CEP72: variants seen among roughly 807,000 people sequenced by gnomAD.
CEP72 encodes centrosomal protein 72.
In CEP72, 78 loss-of-function variants were observed where a neutral mutation model predicts 65.7. The ratio of observed to expected loss-of-function variants is 1.19; its 90% CI spans 0.99 to 1.43. The LOEUF (loss-of-function observed/expected upper bound fraction) is 1.43, where lower values mean the gene tolerates loss of function less well. Ranked by LOEUF, CEP72 falls within the 40% of genes most tolerant of loss-of-function variation. CEP72 has a pLI of 0.00. For missense variants in CEP72, 914 were observed against 832.9 expected (o/e 1.10, Z -1.20); for synonymous variants, 358 against 351.7 (o/e 1.02, Z -0.20).
chr5:673,191 G>T, the CEP72 span, among the ~76,000 whole-genome samples: 1 of 152,182 alleles, frequency 6.6e-6, no homozygotes, highest in African/African-American at 2.4e-5. Context: ...ACCACCCCTT[G>T]CTTTCCCCGG....
downstream of CEP72, among the ~76,000 whole-genome samples, chr5:671,418 G>A (rs1580082130): frequency 6.6e-6 from 1 of 152,190 alleles, no homozygotes; most frequent in African/African-American, 2.4e-5. Flanking sequence ...CCCCAGTCTC[G>A]GCCTGGGCAG....
intron 4 of CEP72, among the ~76,000 whole-genome samples, chr5:628,490 CT>C (rs1736918722): frequency 6.6e-6 from 1 of 150,598 alleles, no homozygotes; most frequent in African/African-American, 2.5e-5. Context: ...GTTGCCGTCC[CT>C]GGGGAGTGTT....
downstream of CEP72, among the ~76,000 whole-genome samples, chr5:671,908 G>A (rs907945413): frequency 6.6e-6 from 1 of 152,188 alleles, no homozygotes; most frequent in African/African-American, 2.4e-5. Context: ...TGGGTACCAC[G>A]GGGGAGGGGG....
At chr5:642,883 C>T (rs1738152038) in intron 9 of CEP72, 17 of 985,490 alleles carry the variant, frequency 1.7e-5, no homozygotes, top group Non-Finnish European at 2.0e-5. Flanking sequence ...GCTCATCCCT[C>T]GGTCACATGA....
At position 642,227 on chromosome 5, in the gene CEP72, C is replaced by T. The variant is rs1428386433; in HGVS notation, c.1539+1623C>T. 7.8e-6 allele frequency: 6 copies of T among 772,470 alleles called. 1 individual carries two copies. Among genetic ancestry groups the T allele is most frequent in the South Asian group, 5.5e-5 (1 of 18,122 alleles). 47.9% of individuals were successfully genotyped at this position (772,470 alleles called of 1,614,324 possible). A position where few individuals can be genotyped will look rare whatever the true frequency, so the allele number is the denominator to read the frequency against. Reference sequence around the variant, plus strand: ...CTAGAAGCCTCTGCATTTAAGCACACGTGGTCCCCCGTCCAGAAGCCTCTG... The same window carrying T: ...CTAGAAGCCTCTGCATTTAAGCACATGTGGTCCCCCGTCCAGAAGCCTCTG... On this transcript the variant is annotated intron_variant, in intron 9 of 11. Transcript: ENST00000264935.
chr5:669,320 G>A (rs144742349), downstream of CEP72, among the ~76,000 whole-genome samples: 60 of 138,584 alleles, frequency 4.3e-4, no homozygotes, highest in African/African-American at 1.5e-3. Context: ...CTGTGGCGTG[G>A]GGGTCCGCGG....
At chr5:654,399 A>G (rs1331900082), downstream of CEP72, among the ~76,000 whole-genome samples, 1 of 128,268 alleles carries the variant, frequency 7.8e-6, no homozygotes, top group Non-Finnish European at 1.6e-5. Flanking sequence ...TGCACTTGCT[A>G]TGTGTGTGCT....
chr5:643,814 G>A (rs769813565), intron 9 of CEP72: 112 of 226,918 alleles, frequency 4.9e-4, no homozygotes, highest in African/African-American at 2.4e-3. Context: ...ATGACAGCTC[G>A]TCCTGTGCTC....
chr5:612,491 T>C, intron 1 of CEP72, 48 bp downstream of exon 1: 1 of 567,476 alleles, frequency 1.8e-6, no homozygotes, highest in Non-Finnish European at 2.7e-6. Flanking sequence ...GGCGGGGGGG[T>C]GGGTGCCGAG....
intron 1 of CEP72, chr5:662,840 T>C (rs3762954): frequency 0.23 from 29,080 of 125,862 alleles, 4,073 homozygotes; most frequent in Admixed American, 0.28. Context: ...GATGGGCTGT[T>C]ATCGGGTGAT....
the CEP72 span, among the ~76,000 whole-genome samples, chr5:675,550 G>A: frequency 8.2e-5 from 12 of 145,732 alleles, no homozygotes; most frequent in South Asian, 2.2e-4. Context: ...CCGTGTGGCC[G>A]GGGGTGCAGT....
chr5:617,560 C>T (rs1199101363), intron 1 of CEP72, among the ~76,000 whole-genome samples: 1 of 152,194 alleles, frequency 6.6e-6, no homozygotes, highest in Non-Finnish European at 1.5e-5. Flanking sequence ...TGCACCTTGT[C>T]CCCTCCTGAC....
At chr5:615,292 C>T (rs1036146611) in intron 1 of CEP72, among the ~76,000 whole-genome samples, 1 of 152,048 alleles carries the variant, frequency 6.6e-6, no homozygotes, top group South Asian at 2.1e-4. Flanking sequence ...CCTGCCATCA[C>T]GCCTGCCTAA....
In CEP72 at chr5:633,775, C is replaced by A. The variant is rs775864284; in HGVS notation, c.519C>A (p.His173Gln). The A allele has an allele frequency of 1.9e-6, 3 of 1,613,956 alleles. No individual in the cohort carries two copies. In the South Asian group the frequency reaches 3.3e-5, roughly 18 times the overall value. The change falls in exon 5 of 12, where the codon CAC (histidine) becomes CAA (glutamine). Residue 173 changes from histidine to glutamine, a missense_variant. By Grantham distance (24) the His-to-Gln change is conservative. Transcript: ENST00000264935. The stretch of plus-strand genomic sequence containing the variant: ...AGTTTGCTTTTCCTTACAGACCACA[C>A]CACCCCAGAGCCAAGTGCACCGAGG... ...VPASLKEGRP[H>Q]HPRAKCTEAL...
At position 637,434 on chromosome 5, in the gene CEP72, A is replaced by G. The variant is rs1393537850; in HGVS notation, c.905-83A>G. ...CATGTGTGTATATACATGGGCACAC[A>G]CATGCCTTTTAAAAGTTACAGTGCT... On this transcript the variant is annotated intron_variant, in intron 6 of 11. Coordinates refer to ENST00000264935, the MANE Select transcript of CEP72 (RefSeq NM_018140.4). 2.4e-6 allele frequency: 3 copies of G among 1,256,888 alleles called. No homozygotes were observed. In the African/African-American group the frequency reaches 4.5e-5, roughly 19 times the overall value. The allele number at this position is 1,256,888 out of a possible 1,614,324, so 77.9% of individuals were successfully genotyped here.
At chr5:674,830 C>T in the CEP72 span, among the ~76,000 whole-genome samples, 5 of 151,860 alleles carry the variant, frequency 3.3e-5, no homozygotes, top group East Asian at 9.8e-4. Flanking sequence ...CTGACATAAG[C>T]CCTGTGGATG....
chr5:675,014 G>A, the CEP72 span, among the ~76,000 whole-genome samples: 1 of 136,398 alleles, frequency 7.3e-6, no homozygotes, highest in Non-Finnish European at 1.6e-5. Context: ...GGGGGGCACA[G>A]TGTGGCCGGG....
chr5:642,804 C>T lies in CEP72; in HGVS notation c.1540-1495C>T, dbSNP rs1001493803. On this transcript the variant is annotated intron_variant, in intron 9 of 11. Coordinates refer to ENST00000264935, the MANE Select transcript of CEP72 (RefSeq NM_018140.4). ...GGGAGCAGCCGTGCAGGCTGGTGGG[C>T]ACTGCTTTCCAGGGAGGCCCACATC... 6.1e-6 allele frequency: 6 copies of T among 985,370 alleles called. No individual in the cohort carries two copies. In the African/African-American group the frequency reaches 8.7e-5, roughly 14 times the overall value. 61.0% of individuals were successfully genotyped at this position (985,370 alleles called of 1,614,324 possible). A position where few individuals can be genotyped will look rare whatever the true frequency, so the allele number is the denominator to read the frequency against.
At chr5:665,317 AG>A (rs748641760) in exon 3 of CEP72, 1 of 1,604,532 alleles carries the variant, frequency 6.2e-7, no homozygotes, top group Admixed American at 1.7e-5. Context: ...AGCAGGAGGA[AG>A]GGGGCAGGTG....
Sources: gnomAD v4.1 joint callset for allele counts (sites outside exome capture counted in the v4.1 genomes callset) on GRCh38, gnomAD v4.1.1 for gene constraint, MANE v1.5 for transcripts, NCBI Gene and HGNC (gene_info 2026-07-23, HGNC 2026-07-21) for gene names.